The following EYS variants were observed in gnomAD, a reference collection of about 807,000 sequenced individuals.
EYS encodes EGF-like photoreceptor maintenance factor, also known as protein eyes shut homolog.
Under a neutral mutation model 282.1 loss-of-function variants are expected in EYS, and 250 were observed. The ratio of observed to expected loss-of-function variants is 0.89; its 90% CI spans 0.80 to 0.98. The LOEUF (loss-of-function observed/expected upper bound fraction) is 0.98, where lower values mean the gene tolerates loss of function less well. Among genes scored for constraint, EYS ranks in the 50% least tolerant of loss-of-function variants. The pLI is 0.00. For missense variants in EYS, 4,016 were observed against 3,709.0 expected (o/e 1.08, Z -2.15); for synonymous variants, 1,355 against 1,282.9 (o/e 1.06, Z -1.20).
chr6:63,875,984 T>A (rs1772958813), intron 35 of EYS, among the ~76,000 whole-genome samples: 1 of 152,232 alleles, frequency 6.6e-6, no homozygotes, highest in African/African-American at 2.4e-5. Flanking sequence ...AGTTCTGCTC[T>A]GATCTTAGTT....
chr6:65,181,045 C>G (rs911963919), intron 12 of EYS, among the ~76,000 whole-genome samples: 5 of 152,062 alleles, frequency 3.3e-5, no homozygotes, highest in Non-Finnish European at 7.4e-5. Flanking sequence ...ACACCTCATA[C>G]AAAAATTAAT....
intron 24 of EYS, among the ~76,000 whole-genome samples, chr6:64,597,253 A>C (rs1424813052): frequency 6.6e-6 from 1 of 152,228 alleles, no homozygotes; most frequent in Non-Finnish European, 1.5e-5. Context: ...GGGAACCCTT[A>C]TATGCTTCTG....
chr6:63,928,381 A>G (rs1764782522), intron 35 of EYS, among the ~76,000 whole-genome samples: 1 of 152,192 alleles, frequency 6.6e-6, no homozygotes, highest in African/African-American at 2.4e-5. Context: ...GAAGGCAAAT[A>G]TTTTTGTATG....
At chr6:64,819,545 T>C (rs1043833912) in intron 21 of EYS, among the ~76,000 whole-genome samples, 1 of 151,970 alleles carries the variant, frequency 6.6e-6, no homozygotes, top group Non-Finnish European at 1.5e-5. Flanking sequence ...ATGATTATAC[T>C]TAAAAGAAAC....
intron 2 of EYS, among the ~76,000 whole-genome samples, chr6:65,583,317 C>T (rs1764932748): frequency 6.6e-6 from 1 of 151,780 alleles, no homozygotes; most frequent in African/African-American, 2.4e-5. Flanking sequence ...TATAAAAATG[C>T]AGAGGATAGT....
chr6:64,185,519 T>C (rs1343413931), intron 31 of EYS, among the ~76,000 whole-genome samples: 1 of 152,198 alleles, frequency 6.6e-6, no homozygotes, highest in Non-Finnish European at 1.5e-5. Flanking sequence ...TTATACTTTA[T>C]TTTAGCTGAG....
intron 2 of EYS, among the ~76,000 whole-genome samples, chr6:65,631,190 T>C (rs1405444366): frequency 6.6e-6 from 1 of 152,180 alleles, no homozygotes; most frequent in African/African-American, 2.4e-5. Flanking sequence ...ATGTGACCAT[T>C]ATTTGTGCTG....
At chr6:63,883,748 T>C (rs1438432718) in intron 35 of EYS, among the ~76,000 whole-genome samples, 1 of 152,234 alleles carries the variant, frequency 6.6e-6, no homozygotes. Context: ...TTCTGGTCTT[T>C]TTAATTTGCA....
intron 22 of EYS, among the ~76,000 whole-genome samples, chr6:64,703,706 T>G (rs1375636453): frequency 6.6e-6 from 1 of 151,914 alleles, no homozygotes; most frequent in East Asian, 1.9e-4. Flanking sequence ...ATTGATGCAT[T>G]TAAATATATA....
intron 28 of EYS, among the ~76,000 whole-genome samples, chr6:64,399,642 T>C (rs1773483378): frequency 6.6e-6 from 1 of 151,946 alleles, no homozygotes; most frequent in Non-Finnish European, 1.5e-5. Flanking sequence ...TTTGTACCTG[T>C]TCATCTAAAA....
At chr6:65,494,335 T>C (rs970610026) in intron 4 of EYS, among the ~76,000 whole-genome samples, 1 of 152,020 alleles carries the variant, frequency 6.6e-6, no homozygotes. Flanking sequence ...CGGACTGCAG[T>C]GGCGCTATGT....
At chr6:65,177,271 G>T (rs1396830663) in intron 12 of EYS, among the ~76,000 whole-genome samples, 1 of 151,764 alleles carries the variant, frequency 6.6e-6, no homozygotes, top group Non-Finnish European at 1.5e-5. Flanking sequence ...CAAAGACTTT[G>T]ATGTAAATTA....
At chr6:64,369,930 CA>C (rs1333047033) in intron 29 of EYS, among the ~76,000 whole-genome samples, 1 of 151,956 alleles carries the variant, frequency 6.6e-6, no homozygotes, top group Non-Finnish European at 1.5e-5. Flanking sequence ...AGCTTTAGGG[CA>C]GAGACTATGG....
At chr6:63,862,846 T>C (rs1317498381) in intron 36 of EYS, among the ~76,000 whole-genome samples, 1 of 150,704 alleles carries the variant, frequency 6.6e-6, no homozygotes, top group East Asian at 2.0e-4. Flanking sequence ...ACACACAGAA[T>C]GAAATTCTTA....
At chr6:64,789,427 C>T (rs1162139698) in intron 22 of EYS, among the ~76,000 whole-genome samples, 1 of 152,106 alleles carries the variant, frequency 6.6e-6, no homozygotes, top group Non-Finnish European at 1.5e-5. Context: ...CACATGCTAA[C>T]ATGCTCCATC....
intron 41 of EYS, among the ~76,000 whole-genome samples, chr6:63,742,782 T>C (rs539502911): frequency 1.1e-4 from 17 of 152,192 alleles, no homozygotes; most frequent in Non-Finnish European, 2.4e-4. Context: ...CTTGAGATCC[T>C]GATTCAATAC....
At chr6:64,749,615 C>T (rs1289831768) in intron 22 of EYS, among the ~76,000 whole-genome samples, 2 of 151,926 alleles carry the variant, frequency 1.3e-5, no homozygotes. Flanking sequence ...TAAAAAAAAA[C>T]ATTTTAGCAA....
chr6:64,291,329 G>A (rs1768700490), intron 30 of EYS, among the ~76,000 whole-genome samples: 1 of 151,934 alleles, frequency 6.6e-6, no homozygotes, highest in Non-Finnish European at 1.5e-5. Flanking sequence ...AATAAAATAT[G>A]TAACCTCAAA....
At chr6:64,708,586 C>T (rs1399064653) in intron 22 of EYS, among the ~76,000 whole-genome samples, 2 of 152,124 alleles carry the variant, frequency 1.3e-5, no homozygotes, top group Non-Finnish European at 2.9e-5. Flanking sequence ...TGTTTGTCTT[C>T]CTTCAGCGTA....
Sources: allele counts gnomAD v4.1 joint callset (sites outside exome capture counted in the v4.1 genomes callset), GRCh38; gene constraint gnomAD v4.1.1; transcripts MANE v1.5; gene names NCBI Gene and HGNC (gene_info 2026-07-23, HGNC 2026-07-21).